Variants in MARCHF1 observed in about 807,000 individuals in gnomAD.
MARCHF1 encodes the protein E3 ubiquitin-protein ligase MARCHF1.
In MARCHF1, 40 loss-of-function variants were observed where a neutral mutation model predicts 54.2. The ratio of observed to expected loss-of-function variants is 0.74; its 90% confidence interval spans 0.57 to 0.96. MARCHF1 has a LOEUF of 0.96. MARCHF1 is among the 40% of genes least tolerant of loss of function. MARCHF1 has a pLI of 0.00. For synonymous variants in MARCHF1, 236 were observed against 236.3 expected (o/e 1.00, Z 0.01); for missense variants, 586 against 656.5 (o/e 0.89, Z 1.17).
rs1729886682 is a variant in MARCHF1 at position 164,340,419 on chromosome 4, A to ATATATATATATATATATG, written c.-323+43450_-323+43451insCATATATATATATATATA. Among the ~76,000 whole-genome samples, 8 of 123,950 alleles carry ATATATATATATATATATG rather than the reference A, an allele frequency of 6.5e-5. 1 individual carries two copies. In the South Asian group the frequency reaches 2.0e-3, roughly 31 times the overall value. The allele number at this position is 123,950 out of a possible 152,430, so 81.3% of individuals were successfully genotyped here. A position where few individuals can be genotyped will look rare whatever the true frequency, so the allele number is the denominator to read the frequency against. ...CAGGCCTTGATTTATATATAGATAT[A>ATATATATATATATATATG]TATATATATATATATAGTTTGTTTG... On this transcript the variant is annotated intron_variant, in intron 1 of 9. Transcript: ENST00000514618.
chr4:164,025,395 G>A (rs2110977856), intron 2 of MARCHF1, among the ~76,000 whole-genome samples: 1 of 151,912 alleles, frequency 6.6e-6, no homozygotes, highest in South Asian at 2.1e-4. Flanking sequence ...CACACTCTCA[G>A]AACACAAAAA....
At chr4:163,557,093 T>C (rs574856255) in intron 8 of MARCHF1, among the ~76,000 whole-genome samples, 2 of 152,236 alleles carry the variant, frequency 1.3e-5, no homozygotes, top group African/African-American at 2.4e-5. Flanking sequence ...CAGGGAAGGG[T>C]TGGAGGTATA....
chr4:163,772,712 G>A (rs1224039776), intron 4 of MARCHF1, among the ~76,000 whole-genome samples: 2 of 151,618 alleles, frequency 1.3e-5, no homozygotes, highest in African/African-American at 2.4e-5. Context: ...CCAAAGAAAA[G>A]CCCTGCTTTA....
chr4:164,325,892 C>T (rs60826305), intron 1 of MARCHF1, among the ~76,000 whole-genome samples: 27 of 151,884 alleles, frequency 1.8e-4, no homozygotes, highest in African/African-American at 4.1e-4. Flanking sequence ...AAAATAAAAA[C>T]GAAAATAAAT....
chr4:164,121,779 A>AT (rs1756071725), intron 1 of MARCHF1, among the ~76,000 whole-genome samples: 1 of 152,136 alleles, frequency 6.6e-6, no homozygotes, highest in African/African-American at 2.4e-5. Flanking sequence ...AGAAGAACTA[A>AT]TATCAACCCC....
chr4:164,003,283 TAAAAACAAA>T (rs1348779736), intron 2 of MARCHF1, among the ~76,000 whole-genome samples: 1 of 150,796 alleles, frequency 6.6e-6, no homozygotes. Flanking sequence ...AGAAAAAAAA[TAAAAACAAA>T]AAGAACAAGT....
At chr4:163,628,823 C>T (rs576674180) in intron 5 of MARCHF1, among the ~76,000 whole-genome samples, 1 of 152,160 alleles carries the variant, frequency 6.6e-6, no homozygotes, top group East Asian at 1.9e-4. Context: ...GAAAAAAATA[C>T]CTAGGAATAC....
chr4:164,262,139 G>GCTAC (rs151236420), intron 1 of MARCHF1, among the ~76,000 whole-genome samples: 17,280 of 149,994 alleles, frequency 0.12, 1,591 homozygotes, highest in African/African-American at 0.25. Context: ...TAGAGAGAAT[G>GCTAC]CTGAGAGAAA....
chr4:163,801,926 G>C (rs749525473), intron 4 of MARCHF1, among the ~76,000 whole-genome samples: 1 of 151,898 alleles, frequency 6.6e-6, no homozygotes, highest in African/African-American at 2.4e-5. Flanking sequence ...ACCCAAGAGA[G>C]AAATTTTTAC....
At chr4:164,081,226 A>AC (rs1432377390) in intron 2 of MARCHF1, among the ~76,000 whole-genome samples, 2 of 146,852 alleles carry the variant, frequency 1.4e-5, no homozygotes, top group African/African-American at 5.0e-5. Context: ...AAAAAAAAAA[A>AC]AAAAAAAAAA....
intron 4 of MARCHF1, among the ~76,000 whole-genome samples, chr4:163,733,211 A>ACACGTG (rs1204148846): frequency 2.4e-5 from 1 of 42,144 alleles, no homozygotes; most frequent in African/African-American, 5.7e-5. Flanking sequence ...ATATATATAT[A>ACACGTG]TATATATATA....
chr4:163,753,340 CAATT>C (rs962607424), intron 4 of MARCHF1, among the ~76,000 whole-genome samples: 16 of 151,970 alleles, frequency 1.1e-4, no homozygotes, highest in African/African-American at 3.1e-4. Flanking sequence ...CTGTAAGGAA[CAATT>C]AATAAAGATA....
intron 1 of MARCHF1, among the ~76,000 whole-genome samples, chr4:164,330,985 C>T (rs1028922793): frequency 1.3e-5 from 2 of 152,062 alleles, no homozygotes; most frequent in African/African-American, 2.4e-5. Context: ...TGAATTAAAG[C>T]TTTACATTTT....
In MARCHF1 at chr4:164,370,877, T is replaced by C. The variant is rs147388510; in HGVS notation, c.-323+12993A>G. The stretch of plus-strand genomic sequence containing the variant: ...GAGCCGAGATCTTGCCACCACCCTC[T>C]AGCCTGGGCAACAGTGTGAGACTCC... On this transcript the variant is annotated intron_variant, in intron 1 of 9. Transcript: ENST00000514618. 6.8e-3 allele frequency among the ~76,000 whole-genome samples: 1,040 copies of C among 152,168 alleles called. 9 individuals are homozygous for C. The highest frequency in any genetic ancestry group is 0.024 in the African/African-American group (978 of 41,530).
intron 4 of MARCHF1, among the ~76,000 whole-genome samples, chr4:163,835,689 G>T (rs918880598): frequency 2.0e-5 from 3 of 152,064 alleles, no homozygotes; most frequent in Admixed American, 6.5e-5. Flanking sequence ...TTCGCGAATC[G>T]TTCATTGTTC....
intron 1 of MARCHF1, among the ~76,000 whole-genome samples, chr4:164,227,470 A>C (rs1732291073): frequency 6.6e-6 from 1 of 152,140 alleles, no homozygotes; most frequent in African/African-American, 2.4e-5. Flanking sequence ...AAGGATTTGA[A>C]GAATATGGCA....
intron 2 of MARCHF1, among the ~76,000 whole-genome samples, chr4:164,069,902 G>A (rs960755461): frequency 1.3e-5 from 2 of 152,084 alleles, no homozygotes; most frequent in African/African-American, 4.8e-5. Flanking sequence ...TGAAAAATGT[G>A]GTACATATAT....
chr4:164,202,872 T>A (rs533722190), intron 1 of MARCHF1, among the ~76,000 whole-genome samples: 43 of 152,294 alleles, frequency 2.8e-4, no homozygotes, highest in African/African-American at 9.9e-4. Flanking sequence ...TATTTTGAGG[T>A]AGTCAATGTA....
At chr4:163,540,926 A>T (rs1738700762) in intron 9 of MARCHF1, among the ~76,000 whole-genome samples, 1 of 152,182 alleles carries the variant, frequency 6.6e-6, no homozygotes, top group Non-Finnish European at 1.5e-5. Context: ...AGGCAGGAGA[A>T]TCACTTGAGC....
Sources: allele counts gnomAD v4.1 joint callset (sites outside exome capture counted in the v4.1 genomes callset), GRCh38; gene constraint gnomAD v4.1.1; transcripts MANE v1.5; gene names NCBI Gene and HGNC (gene_info 2026-07-23, HGNC 2026-07-21).